SLC24A3: variants seen among roughly 807,000 people sequenced by gnomAD.
The protein encoded by SLC24A3 is sodium/potassium/calcium exchanger 3.
Under a neutral mutation model 75.8 loss-of-function variants are expected in SLC24A3, and 28 were observed. The ratio of observed to expected loss-of-function variants is 0.37; its 90% CI spans 0.27 to 0.51. SLC24A3 has a LOEUF of 0.51. Among genes scored for constraint, SLC24A3 ranks in the 20% least tolerant of loss-of-function variants. SLC24A3 has a pLI of 0.94. For synonymous variants in SLC24A3, 372 were observed against 334.1 expected (o/e 1.11, Z -1.24); for missense variants, 663 against 847.8 (o/e 0.78, Z 2.71).
At chr20:19,270,826 T>G (rs528408490) in intron 1 of SLC24A3, among the ~76,000 whole-genome samples, 11 of 151,218 alleles carry the variant, frequency 7.3e-5, no homozygotes. Context: ...GAGAGAGAGA[T>G]ACTAGAAGAG....
chr20:19,381,018 G>A (rs1986171387), intron 2 of SLC24A3, among the ~76,000 whole-genome samples: 1 of 152,158 alleles, frequency 6.6e-6, no homozygotes, highest in Non-Finnish European at 1.5e-5. Flanking sequence ...GGGGCAAAGG[G>A]TGGTAGGACA....
chr20:19,600,213 C>T (rs1353275095), intron 6 of SLC24A3, among the ~76,000 whole-genome samples: 1 of 152,162 alleles, frequency 6.6e-6, no homozygotes, highest in Non-Finnish European at 1.5e-5. Context: ...GCTCCAGACC[C>T]TGCCAGCTTG....
At chr20:19,557,942 A>G (rs920808157) in intron 3 of SLC24A3, among the ~76,000 whole-genome samples, 2 of 152,222 alleles carry the variant, frequency 1.3e-5, no homozygotes, top group African/African-American at 4.8e-5. Context: ...TGGAGTCATA[A>G]CAGAATAAAT....
rs756297323 is a variant in SLC24A3 at position 19,212,886 on chromosome 20, G to A, written c.44G>A (p.Arg15His). Reference protein sequence around the residue: ...GDEDRARRRRRRRRRRDLLLS... With the variant: ...GDEDRARRRRHRRRRRDLLLS... ...GAGGACCGCGCGCGTCGCCGCCGCC[G>A]CCGCCGCCGCCGGAGGGACCTTCTG... The change falls in exon 1 of 17, where the codon CGC (arginine) becomes CAC (histidine). Residue 15 changes from arginine to histidine, a missense_variant. This residue lies in a region of SLC24A3 where 153 missense variants were observed against 144.2 expected (regional missense o/e 1.06). Coordinates refer to ENST00000328041, the MANE Select transcript of SLC24A3 (RefSeq NM_020689.4). 20 of 1,293,182 alleles carry A rather than the reference G, an allele frequency of 1.5e-5. 1 individual carries two copies. In the South Asian group the frequency reaches 3.8e-4, roughly 25 times the overall value. 80.1% of individuals were successfully genotyped at this position (1,293,182 alleles called of 1,614,324 possible). A position where few individuals can be genotyped will look rare whatever the true frequency, so the allele number is the denominator to read the frequency against.
At chr20:19,577,393 T>C (rs2031155012) in intron 3 of SLC24A3, among the ~76,000 whole-genome samples, 1 of 152,166 alleles carries the variant, frequency 6.6e-6, no homozygotes. Context: ...GCAAATAATT[T>C]TGTACAGATT....
At chr20:19,658,039 T>C (rs2032284533) in intron 7 of SLC24A3, among the ~76,000 whole-genome samples, 2 of 152,220 alleles carry the variant, frequency 1.3e-5, no homozygotes, top group Admixed American at 6.5e-5. Flanking sequence ...TCAGAAGGCG[T>C]GTAACTGTCG....
chr20:19,243,876 C>A (rs1049934924), intron 1 of SLC24A3: 1 of 152,194 alleles, frequency 6.6e-6, no homozygotes, highest in East Asian at 1.9e-4. Context: ...CAGCCACCCA[C>A]CTTGATTCAG....
At chr20:19,522,122 C>T (rs931877761) in intron 3 of SLC24A3, among the ~76,000 whole-genome samples, 8 of 152,044 alleles carry the variant, frequency 5.3e-5, no homozygotes, top group African/African-American at 1.9e-4. Context: ...GAGGAGCTAA[C>T]TTTTTTTTAA....
chr20:19,420,793 A>C (rs1986905657), intron 2 of SLC24A3, among the ~76,000 whole-genome samples: 1 of 66,600 alleles, frequency 1.5e-5, no homozygotes, highest in Non-Finnish European at 2.8e-5. Context: ...ACTTCAAACT[A>C]TACTACAAGG....
intron 7 of SLC24A3, among the ~76,000 whole-genome samples, chr20:19,657,707 C>A (rs1233420433): frequency 6.6e-6 from 1 of 152,196 alleles, no homozygotes; most frequent in East Asian, 1.9e-4. Context: ...CTCAAAAGTG[C>A]TGCAGTTCAC....
intron 2 of SLC24A3, among the ~76,000 whole-genome samples, chr20:19,492,310 C>T (rs976213187): frequency 2.0e-5 from 3 of 152,256 alleles, no homozygotes; most frequent in African/African-American, 7.2e-5. Flanking sequence ...TTGTCTCTGC[C>T]ACTTATGAGT....
chr20:19,314,277 A>ATTTAT (rs11474596), intron 2 of SLC24A3, among the ~76,000 whole-genome samples: 10,305 of 126,386 alleles, frequency 0.082, 631 homozygotes, highest in African/African-American at 0.15. Context: ...GTTTTTATTT[A>ATTTAT]TTTATTTTAT....
At chr20:19,615,824 G>T (rs1038328662) in intron 6 of SLC24A3, among the ~76,000 whole-genome samples, 2 of 152,108 alleles carry the variant, frequency 1.3e-5, no homozygotes, top group Non-Finnish European at 2.9e-5. Flanking sequence ...TGCACCAGTG[G>T]CTTCCTGGGG....
intron 2 of SLC24A3, among the ~76,000 whole-genome samples, chr20:19,310,604 A>G (rs1984435527): frequency 6.6e-6 from 1 of 152,198 alleles, no homozygotes; most frequent in Non-Finnish European, 1.5e-5. Flanking sequence ...AAGGAAACTT[A>G]CTGCTCCAGC....
intron 2 of SLC24A3, among the ~76,000 whole-genome samples, chr20:19,328,736 G>T (rs1191160821): frequency 6.6e-6 from 1 of 152,188 alleles, no homozygotes; most frequent in East Asian, 1.9e-4. Flanking sequence ...TCATGAGTAG[G>T]ATGATAATAA....
At chr20:19,550,420 G>A (rs1234583591) in intron 3 of SLC24A3, among the ~76,000 whole-genome samples, 2 of 152,134 alleles carry the variant, frequency 1.3e-5, no homozygotes, top group African/African-American at 4.8e-5. Flanking sequence ...GAGAGAAGGG[G>A]AGACCCAATG....
At chr20:19,350,463 C>A (rs1018028568) in intron 2 of SLC24A3, among the ~76,000 whole-genome samples, 3 of 152,060 alleles carry the variant, frequency 2.0e-5, no homozygotes, top group Admixed American at 2.0e-4. Flanking sequence ...TTTTGAAATG[C>A]ACATACACAT....
intron 2 of SLC24A3, among the ~76,000 whole-genome samples, chr20:19,461,413 ACGCACATATACATATATGTT>A (rs36230522): frequency 0.48 from 72,107 of 151,678 alleles, 18,662 homozygotes; most frequent in Non-Finnish European, 0.58. Flanking sequence ...ACATACATGT[ACGCACATATACATATATGTT>A]CACACATATT....
intron 8 of SLC24A3, among the ~76,000 whole-genome samples, chr20:19,671,300 C>T (rs2032464175): frequency 6.6e-6 from 1 of 152,138 alleles, no homozygotes; most frequent in African/African-American, 2.4e-5. Context: ...AGATAGGACA[C>T]AAGACAACAT....
Sources: gnomAD v4.1 joint callset for allele counts (sites outside exome capture counted in the v4.1 genomes callset) on GRCh38, gnomAD v4.1.1 for gene constraint, gnomAD v4.1.1 regional missense constraint, MANE v1.5 for transcripts, NCBI Gene and HGNC (gene_info 2026-07-23, HGNC 2026-07-21) for gene names.